The following LFNG variants were observed in gnomAD, a reference collection of about 807,000 sequenced individuals.
LFNG encodes LFNG O-fucosylpeptide 3-beta-N-acetylglucosaminyltransferase.
LFNG carries 15 observed loss-of-function variants against 32.7 expected under a neutral mutation model. The observed-to-expected ratio is 0.46, with a 90% CI of 0.31 to 0.71. The LOEUF (loss-of-function observed/expected upper bound fraction) is 0.71, where lower values mean the gene tolerates loss of function less well. LFNG is among the 30% of genes least tolerant of loss of function. The pLI is 0.06. For synonymous variants in LFNG, 274 were observed against 246.8 expected (o/e 1.11, Z -1.03); for missense variants, 520 against 545.7 (o/e 0.95, Z 0.47).
At chr7:2,519,697 A>C, upstream of LFNG, 1 of 245,498 alleles carries the variant, frequency 4.1e-6, no homozygotes, top group Non-Finnish European at 6.7e-6. Context: ...CCCGCCCCCG[A>C]GCCCGGGAGC....
upstream of LFNG, among the ~76,000 whole-genome samples, chr7:2,514,845 TCC>T: frequency 6.6e-6 from 1 of 151,792 alleles, no homozygotes; most frequent in South Asian, 2.1e-4. Context: ...CATCCATCCA[TCC>T]ATCCATTCAT....
At position 2,527,018 on chromosome 7, in the gene LFNG, C is replaced by G. The variant is rs1164703483; in HGVS notation, c.1073+97C>G. On this transcript the variant is annotated intron_variant, in intron 7 of 7. Coordinates refer to ENST00000222725, the MANE Select transcript of LFNG (RefSeq NM_001040167.2). The surrounding 1 kb of genome is among the most constrained non-coding windows in gnomAD (Gnocchi z 4.4). ...AGCAGGGTCTCTCTAAGCGGCATGA[C>G]TCTACATAGAGGTGTCCCCCGGAGT... 1.4e-6 allele frequency: 2 copies of G among 1,422,096 alleles called. No homozygotes were observed. The highest frequency in any genetic ancestry group is 2.0e-6 in the Non-Finnish European group (2 of 1,017,788). 88.1% of individuals were successfully genotyped at this position (1,422,096 alleles called of 1,614,324 possible). A position where few individuals can be genotyped will look rare whatever the true frequency, so the allele number is the denominator to read the frequency against.
chr7:2,518,183 G>A (rs1022287114), upstream of LFNG, among the ~76,000 whole-genome samples: 15 of 152,086 alleles, frequency 9.9e-5, no homozygotes, highest in African/African-American at 2.7e-4. Context: ...TTTTCTCCCC[G>A]GCTCACCCTC....
In LFNG at chr7:2,528,114, G is replaced by A. The variant is rs1780050833; in HGVS notation, c.*902G>A. ...GGTCTTATTTTATCTTATCTTTTCT[G>A]TGGATCAGAAAAAACAGAAGCCAAA... On this transcript the variant is annotated 3_prime_UTR_variant, in exon 8 of 8. Transcript: ENST00000222725. 10 of 985,414 alleles carry A rather than the reference G, an allele frequency of 1.0e-5. No homozygotes were observed. In the South Asian group the frequency reaches 4.2e-4, roughly 42 times the overall value. The allele number at this position is 985,414 out of a possible 1,614,324, so 61.0% of individuals were successfully genotyped here.
upstream of LFNG, among the ~76,000 whole-genome samples, chr7:2,513,592 G>A (rs891023693): frequency 1.3e-5 from 2 of 152,180 alleles, no homozygotes; most frequent in Non-Finnish European, 2.9e-5. Flanking sequence ...CCATCCCACT[G>A]ACATGGGCAC....
downstream of LFNG, chr7:2,528,809 C>G: frequency 1.6e-6 from 1 of 638,904 alleles, no homozygotes. Flanking sequence ...GGGCCTGGGG[C>G]CTCCTTATCC....
At chr7:2,521,460 T>C (rs1779790203) in intron 1 of LFNG, among the ~76,000 whole-genome samples, 1 of 152,180 alleles carries the variant, frequency 6.6e-6, no homozygotes, top group South Asian at 2.1e-4. Flanking sequence ...GAGAAAGGCG[T>C]CGGGCCCCTT....
At position 2,528,417 on chromosome 7, in the gene LFNG, C is replaced by T. The variant is rs1780064378; in HGVS notation, c.*1205C>T. On this transcript the variant is annotated 3_prime_UTR_variant, in exon 8 of 8. Coordinates refer to ENST00000222725, the MANE Select transcript of LFNG (RefSeq NM_001040167.2). The stretch of plus-strand genomic sequence containing the variant: ...CGTCCTTTTGCTGTGAATAAAGGTG[C>T]TCTTTGCAGCAATCCTGGGGGTCCT... The T allele has an allele frequency of 1.0e-6, 1 of 989,268 alleles. No homozygotes were observed. The highest frequency in any genetic ancestry group is 1.2e-6 in the Non-Finnish European group (1 of 831,940). The allele number at this position is 989,268 out of a possible 1,614,324, so 61.3% of individuals were successfully genotyped here. A position where few individuals can be genotyped will look rare whatever the true frequency, so the allele number is the denominator to read the frequency against.
At position 2,520,312 on chromosome 7, in the gene LFNG, G is replaced by A. The variant is rs536716091; in HGVS notation, c.432+19G>A. On this transcript the variant is annotated intron_variant, in intron 1 of 7. Coordinates refer to ENST00000222725, the MANE Select transcript of LFNG (RefSeq NM_001040167.2). The surrounding 1 kb of genome is among the most constrained non-coding windows in gnomAD (Gnocchi z 5.0). ...GGAGATGGTGAGCCCCCCGCGGCCT[G>A]GACTGGCGGGCGAGCGGGGCGGGGA... 14 of 1,603,462 alleles carry A rather than the reference G, an allele frequency of 8.7e-6. No homozygotes were observed. The highest frequency in any genetic ancestry group is 1.2e-5 in the Non-Finnish European group (14 of 1,174,532).
upstream of LFNG, chr7:2,518,003 T>C: frequency 1.2e-6 from 1 of 834,596 alleles, no homozygotes; most frequent in Non-Finnish European, 1.5e-6. Context: ...AGGGAAGAGA[T>C]GATGGGGATG....
Position 2,526,537 on chromosome 7 carries a change from CA to C in LFNG, c.987+129del, listed in dbSNP as rs1045289423. The C allele has an allele frequency of 6.8e-5, 70 of 1,024,234 alleles. No individual in the cohort carries two copies. Among genetic ancestry groups the C allele is most frequent in the African/African-American group, 2.4e-4 (15 of 63,146 alleles). 63.4% of individuals were successfully genotyped at this position (1,024,234 alleles called of 1,614,324 possible). On this transcript the variant is annotated intron_variant, in intron 6 of 7. Transcript: ENST00000222725. This position sits in a 1 kb window ranked among gnomAD's most constrained non-coding sequence, Gnocchi z 6.9. ...GGCCAGGCAGCACTCCACTGTCAGC[CA>C]GGGGGGGTCACTCCTGCCATGAGCT... is the stretch of plus-strand genomic sequence containing the variant.
intron 1 of LFNG, among the ~76,000 whole-genome samples, chr7:2,522,783 G>A (rs541933447): frequency 3.3e-5 from 5 of 152,310 alleles, no homozygotes; most frequent in African/African-American, 1.2e-4. Flanking sequence ...GCTGGTAATG[G>A]CACCCACCTC....
At chr7:2,513,924 G>GCCTCC (rs1779549938), upstream of LFNG, among the ~76,000 whole-genome samples, 1 of 152,260 alleles carries the variant, frequency 6.6e-6, no homozygotes, top group Admixed American at 6.5e-5. Flanking sequence ...CGTCCTCCTG[G>GCCTCC]TGTGGACAAG....
At chr7:2,519,392 C>T (rs931309076), upstream of LFNG, among the ~76,000 whole-genome samples, 1 of 152,158 alleles carries the variant, frequency 6.6e-6, no homozygotes, top group Non-Finnish European at 1.5e-5. Context: ...GAGCCCAGAG[C>T]CCGGGTCTCA....
upstream of LFNG, chr7:2,518,651 C>A: frequency 6.3e-7 from 1 of 1,597,548 alleles, no homozygotes; most frequent in Non-Finnish European, 8.5e-7. Flanking sequence ...CCATCTCAGG[C>A]GTGAACATAA....
chr7:2,513,250 T>C, upstream of LFNG: 2 of 1,457,812 alleles, frequency 1.4e-6, no homozygotes, highest in Non-Finnish European at 1.8e-6. Flanking sequence ...GATGGACAGA[T>C]GGATGGATGG....
chr7:2,519,936 C>T lies in LFNG; in HGVS notation c.75C>T (p.Thr25=), dbSNP rs767338996. The T allele has an allele frequency of 2.8e-3, 2,820 of 1,025,050 alleles. 13 individuals are homozygous for T. The highest frequency in any genetic ancestry group is 7.9e-3 in the Middle Eastern group (17 of 2,160). The allele number at this position is 1,025,050 out of a possible 1,614,324, so 63.5% of individuals were successfully genotyped here. A position where few individuals can be genotyped will look rare whatever the true frequency, so the allele number is the denominator to read the frequency against. ...GALLACLLVL[T]ADPPPPPLPA... ...TGCTCGCCTGCCTGCTGGTGCTCACCGCCGACCCGCCGCCGCCTCCACTGC... is the reference window on the plus strand; with the variant it reads ...TGCTCGCCTGCCTGCTGGTGCTCACTGCCGACCCGCCGCCGCCTCCACTGC... Residue 25 remains threonine, a synonymous_variant, in exon 1 of 8, where the codon ACC becomes ACT. Transcript: ENST00000222725.
At position 2,526,782 on chromosome 7, in the gene LFNG, C is replaced by T. The variant is rs1489179014; in HGVS notation, c.988-54C>T. 31 of 1,546,212 alleles carry T rather than the reference C, an allele frequency of 2.0e-5. No individual in the cohort carries two copies. The highest frequency in any genetic ancestry group is 2.5e-5 in the Non-Finnish European group (28 of 1,121,720). On this transcript the variant is annotated intron_variant, in intron 6 of 7. Coordinates refer to ENST00000222725, the MANE Select transcript of LFNG (RefSeq NM_001040167.2). This position sits in a 1 kb window ranked among gnomAD's most constrained non-coding sequence, Gnocchi z 6.9. ...TCAGGGCTGTGTGGCCAGCCTGGGG[C>T]GGGGCCCAGGGATGTCGGGCCCCTC... is the stretch of plus-strand genomic sequence containing the variant.
upstream of LFNG, chr7:2,513,372 T>C: frequency 6.5e-7 from 1 of 1,542,972 alleles, no homozygotes; most frequent in Non-Finnish European, 8.8e-7. Context: ...CTTCTTCTGC[T>C]TCCAGAGCAG....
Sources: allele counts gnomAD v4.1 joint callset (sites outside exome capture counted in the v4.1 genomes callset), GRCh38; gene constraint gnomAD v4.1.1; non-coding constraint Gnocchi (gnomAD v3.1); transcripts MANE v1.5; gene names NCBI Gene and HGNC (gene_info 2026-07-23, HGNC 2026-07-21).